The following MBOAT1 variants were observed in gnomAD, a reference collection of about 807,000 sequenced individuals.
MBOAT1 encodes the protein membrane-bound glycerophospholipid O-acyltransferase 1.
Under a neutral mutation model 64.4 loss-of-function variants are expected in MBOAT1, and 67 were observed. The ratio of observed to expected loss-of-function variants is 1.04; its 90% CI spans 0.85 to 1.27. The LOEUF (loss-of-function observed/expected upper bound fraction) is 1.27. Ranked by LOEUF, MBOAT1 falls within the 50% of genes most tolerant of loss-of-function variation. The pLI, the probability that MBOAT1 is intolerant of heterozygous loss-of-function variation, is 0.00. For synonymous variants in MBOAT1, 229 were observed against 218.9 expected (o/e 1.05, Z -0.41); for missense variants, 563 against 604.6 (o/e 0.93, Z 0.72).
intron 1 of MBOAT1, among the ~76,000 whole-genome samples, chr6:20,167,880 A>ATCTCT (rs1432967852): frequency 6.6e-6 from 1 of 152,224 alleles, no homozygotes; most frequent in Non-Finnish European, 1.5e-5. Context: ...TATTATTAGT[A>ATCTCT]TCTCTTTTGT....
At chr6:20,137,277 G>A (rs1445897870) in intron 4 of MBOAT1, among the ~76,000 whole-genome samples, 2 of 152,258 alleles carry the variant, frequency 1.3e-5, no homozygotes, top group Non-Finnish European at 1.5e-5. Flanking sequence ...ACCTGCAATC[G>A]TGATGGGAGA....
At chr6:20,124,638 G>A in intron 7 of MBOAT1, 38 bp from the exon 8 acceptor site, 1 of 1,598,182 alleles carries the variant, frequency 6.3e-7, no homozygotes, top group South Asian at 1.1e-5. Flanking sequence ...CGTGCAGAAG[G>A]CTCAGGTATG....
At chr6:20,115,233 C>A in intron 10 of MBOAT1, 55 bp downstream of exon 10, 1 of 1,314,468 alleles carries the variant, frequency 7.6e-7, no homozygotes, top group Non-Finnish European at 1.1e-6. Flanking sequence ...CTACTGACTC[C>A]CCTCTGAACA....
chr6:20,166,764 C>G (rs1762026207), intron 1 of MBOAT1, among the ~76,000 whole-genome samples: 1 of 151,910 alleles, frequency 6.6e-6, no homozygotes. Context: ...AGAGTAAGAC[C>G]TCATCTCCAT....
chr6:20,120,972 A>C (rs554553076), intron 8 of MBOAT1, among the ~76,000 whole-genome samples: 33 of 152,348 alleles, frequency 2.2e-4, no homozygotes, highest in African/African-American at 7.9e-4. Flanking sequence ...CAGATAAATT[A>C]ATTTGTACGC....
intron 12 of MBOAT1, among the ~76,000 whole-genome samples, chr6:20,107,364 T>C (rs1759990210): frequency 6.6e-6 from 1 of 152,146 alleles, no homozygotes; most frequent in Admixed American, 6.5e-5. Flanking sequence ...TTTCCAAGTC[T>C]GGAGCATGGC....
intron 3 of MBOAT1, among the ~76,000 whole-genome samples, chr6:20,148,620 T>C (rs1431670829): frequency 2.0e-5 from 3 of 152,180 alleles, no homozygotes; most frequent in East Asian, 1.9e-4. Context: ...ATGTGACATA[T>C]GGAGAAGTTG....
At chr6:20,139,611 T>G (rs957299055) in intron 4 of MBOAT1, among the ~76,000 whole-genome samples, 1 of 134,410 alleles carries the variant, frequency 7.4e-6, no homozygotes, top group Non-Finnish European at 1.5e-5. Flanking sequence ...TGGAGTACAG[T>G]GGCATTATCA....
chr6:20,195,347 T>A (rs1004352379), intron 1 of MBOAT1, among the ~76,000 whole-genome samples: 1 of 152,240 alleles, frequency 6.6e-6, no homozygotes, highest in African/African-American at 2.4e-5. Flanking sequence ...GCAGTTTCAG[T>A]TGGCTCCTAT....
rs1469028791 is a variant in MBOAT1 at position 20,188,613 on chromosome 6, A to T, written c.99+23523T>A. Among the ~76,000 whole-genome samples the T allele has an allele frequency of 2.6e-5, 4 of 152,286 alleles. No homozygotes were observed. In the East Asian group the frequency reaches 7.7e-4, roughly 29 times the overall value. ...TTTACAGTTGAATGCAAAGCCTTTT[A>T]TAAGAAACTGATGAGGGCTGGGTGT... On this transcript the variant is annotated intron_variant, in intron 1 of 12. Coordinates refer to ENST00000324607, the MANE Select transcript of MBOAT1 (RefSeq NM_001080480.3).
intron 12 of MBOAT1, among the ~76,000 whole-genome samples, chr6:20,105,413 A>G (rs1759920165): frequency 6.6e-6 from 1 of 152,232 alleles, no homozygotes; most frequent in Non-Finnish European, 1.5e-5. Flanking sequence ...TATAAAGATG[A>G]ATTAGGCAGG....
intron 1 of MBOAT1, among the ~76,000 whole-genome samples, chr6:20,205,669 C>T (rs1045479657): frequency 2.0e-5 from 3 of 152,172 alleles, no homozygotes; most frequent in African/African-American, 4.8e-5. Context: ...CAGGCCTGTC[C>T]TCTGCAACTC....
At chr6:20,157,893 T>C (rs1196020186) in intron 1 of MBOAT1, among the ~76,000 whole-genome samples, 1 of 152,130 alleles carries the variant, frequency 6.6e-6, no homozygotes, top group East Asian at 1.9e-4. Flanking sequence ...CAGTGGCTCA[T>C]GCCTGTAATC....
chr6:20,111,870 A>ATATATATACACATATATATACG (rs1561746387), intron 11 of MBOAT1, among the ~76,000 whole-genome samples: 3 of 117,086 alleles, frequency 2.6e-5, no homozygotes, highest in African/African-American at 1.2e-4. Flanking sequence ...ATATATATAC[A>ATATATATACACATATATATACG]TATATATATG....
At position 20,100,711 on chromosome 6, in the gene MBOAT1, T is replaced by C. The variant is rs531082271; in HGVS notation, c.*1575A>G. Among the ~76,000 whole-genome samples, 138 of 152,366 alleles carry C rather than the reference T, an allele frequency of 9.1e-4. No individual in the cohort carries two copies. The highest frequency in any genetic ancestry group is 2.7e-3 in the African/African-American group (114 of 41,590). On this transcript the variant is annotated 3_prime_UTR_variant, in exon 13 of 13. Transcript: ENST00000324607. ...ATTATTCCCATCAGAAACATTTCTT[T>C]TATATGGGAACATACTGTTTATTCA...
In MBOAT1 at chr6:20,118,559, C is replaced by T. The variant is rs367921248; in HGVS notation, c.908-19G>A. On this transcript the variant is annotated intron_variant, in intron 8 of 12. Coordinates refer to ENST00000324607, the MANE Select transcript of MBOAT1 (RefSeq NM_001080480.3). ...GCATCAGCTATGGTTTTTAAAGTAA[C>T]ACATTAGGATATGGAACAAAAGTCA... 2.1e-4 allele frequency: 330 copies of T among 1,593,488 alleles called. No homozygotes were observed. Among genetic ancestry groups the T allele is most frequent in the Non-Finnish European group, 2.7e-4 (312 of 1,163,126 alleles).
At chr6:20,146,728 G>A (rs1369201975) in intron 3 of MBOAT1, among the ~76,000 whole-genome samples, 1 of 152,182 alleles carries the variant, frequency 6.6e-6, no homozygotes, top group Non-Finnish European at 1.5e-5. Flanking sequence ...GCCCACAGAA[G>A]AAAGAAAGCA....
chr6:20,188,601 G>T (rs1581456327), intron 1 of MBOAT1, among the ~76,000 whole-genome samples: 1 of 152,166 alleles, frequency 6.6e-6, no homozygotes, highest in African/African-American at 2.4e-5. Flanking sequence ...ACAGTTGAAT[G>T]CAAAGCCTTT....
intron 11 of MBOAT1, among the ~76,000 whole-genome samples, chr6:20,110,100 G>A (rs923719767): frequency 6.6e-6 from 1 of 151,422 alleles, no homozygotes; most frequent in Non-Finnish European, 1.5e-5. Context: ...TAGTAGAGCT[G>A]GGGTTTCGCC....
Sources: gnomAD v4.1 joint callset for allele counts (sites outside exome capture counted in the v4.1 genomes callset) on GRCh38, gnomAD v4.1.1 for gene constraint, MANE v1.5 for transcripts, NCBI Gene and HGNC (gene_info 2026-07-23, HGNC 2026-07-21) for gene names.